SAXO1: variants seen among roughly 807,000 people sequenced by gnomAD.
SAXO1 encodes 4930500O09Rik.
In SAXO1, 21 loss-of-function variants were observed where a neutral mutation model predicts 17.5. The observed-to-expected ratio is 1.20, with a 90% CI of 0.85 to 1.72. The LOEUF is 1.72. Among genes scored for constraint, SAXO1 ranks in the 40% most tolerant of loss-of-function variants. The pLI is 0.00. For synonymous variants in SAXO1, 274 were observed against 216.5 expected (o/e 1.27, Z -2.33); for missense variants, 843 against 596.0 (o/e 1.41, Z -4.32).
At chr9:18,936,086 G>C (rs1831277547) in intron 3 of SAXO1, among the ~76,000 whole-genome samples, 1 of 152,092 alleles carries the variant, frequency 6.6e-6, no homozygotes, top group Non-Finnish European at 1.5e-5. Flanking sequence ...TCACTGTTTT[G>C]TCCAGTTTTG....
chr9:18,932,533 A>G (rs946986069), intron 3 of SAXO1, among the ~76,000 whole-genome samples: 2 of 152,226 alleles, frequency 1.3e-5, no homozygotes, highest in Non-Finnish European at 2.9e-5. Context: ...TTTCATATAT[A>G]AAACCTAAAA....
chr9:18,939,433 A>T (rs547651600), intron 3 of SAXO1, among the ~76,000 whole-genome samples: 2 of 152,244 alleles, frequency 1.3e-5, no homozygotes, highest in African/African-American at 2.4e-5. Context: ...CATTAAAGGA[A>T]GCATTAAAAG....
At chr9:18,960,169 G>T (rs1001392086) in intron 1 of SAXO1, among the ~76,000 whole-genome samples, 1 of 152,336 alleles carries the variant, frequency 6.6e-6, no homozygotes, top group South Asian at 2.1e-4. Flanking sequence ...AAAATATTTA[G>T]ATTAATTAGA....
At chr9:18,999,084 T>G (rs1458049409) in intron 1 of SAXO1, among the ~76,000 whole-genome samples, 7 of 152,214 alleles carry the variant, frequency 4.6e-5, no homozygotes, top group Non-Finnish European at 8.8e-5. Flanking sequence ...CATAATGACA[T>G]GATCAAATTC....
At chr9:19,010,131 C>T (rs1057025620) in intron 1 of SAXO1, among the ~76,000 whole-genome samples, 14 of 122,064 alleles carry the variant, frequency 1.1e-4, no homozygotes, top group Non-Finnish European at 6.7e-5. Flanking sequence ...GCCTGGCCTA[C>T]ATTTTTAATC....
At chr9:18,962,621 G>A (rs185537620) in intron 1 of SAXO1, among the ~76,000 whole-genome samples, 15 of 150,912 alleles carry the variant, frequency 9.9e-5, no homozygotes, top group South Asian at 2.1e-4. Flanking sequence ...GTGCAGAAGC[G>A]TCTGTTCATA....
At chr9:19,009,883 G>A (rs143383388) in intron 1 of SAXO1, among the ~76,000 whole-genome samples, 1 of 150,752 alleles carries the variant, frequency 6.6e-6, no homozygotes, top group South Asian at 2.1e-4. Flanking sequence ...CTAAAGTGCA[G>A]TGGCACCATC....
intron 1 of SAXO1, among the ~76,000 whole-genome samples, chr9:18,985,515 A>C (rs775344846): frequency 6.6e-6 from 1 of 152,134 alleles, no homozygotes; most frequent in Non-Finnish European, 1.5e-5. Context: ...ATAGAGGTAA[A>C]ATTCATTTTT....
At chr9:19,019,296 AG>A (rs1275685028) in intron 1 of SAXO1, among the ~76,000 whole-genome samples, 1 of 152,196 alleles carries the variant, frequency 6.6e-6, no homozygotes, top group African/African-American at 2.4e-5. Flanking sequence ...AAAAGAAAAA[AG>A]GCTCTTCTGT....
At chr9:19,040,911 A>T (rs1836063969) in intron 1 of SAXO1, among the ~76,000 whole-genome samples, 1 of 152,108 alleles carries the variant, frequency 6.6e-6, no homozygotes, top group Non-Finnish European at 1.5e-5. Flanking sequence ...TTATAGAATT[A>T]AAATTATACC....
rs111595898 is a variant in SAXO1 at position 19,014,789 on chromosome 9, C to A, written c.38+18082G>T. 7.9e-5 allele frequency among the ~76,000 whole-genome samples: 12 copies of A among 152,228 alleles called. 1 individual carries two copies. Among genetic ancestry groups the A allele is most frequent in the African/African-American group, 2.9e-4 (12 of 41,534 alleles). ...TCCTGGGGAACAACTGAATGTTGGA[C>A]AACATCCAACCATAGAGGCTCTACA... On this transcript the variant is annotated intron_variant, in intron 1 of 3. Transcript: ENST00000380534.
chr9:18,944,196 T>C (rs989415077), intron 2 of SAXO1, among the ~76,000 whole-genome samples: 6 of 148,106 alleles, frequency 4.1e-5, no homozygotes, highest in Admixed American at 2.7e-4. Context: ...AGGCAAATGA[T>C]TATGGGGGGT....
At position 18,973,923 on chromosome 9, in the gene SAXO1, T is replaced by C. The variant is rs923624598; in HGVS notation, c.39-22986A>G. 4.6e-5 allele frequency among the ~76,000 whole-genome samples: 7 copies of C among 152,178 alleles called. No individual in the cohort carries two copies. The East Asian group carries it at 9.6e-4, about 21-fold the overall frequency. On this transcript the variant is annotated intron_variant, in intron 1 of 3. Transcript: ENST00000380534. ...CTCTTGTTATATGTCATGTACTATG[T>C]TGGGTAATAATTAGAAAGAAAAATA...
At chr9:18,951,040 G>T in intron 1 of SAXO1, 103 bp from the exon 2 acceptor site, 1 of 1,173,146 alleles carries the variant, frequency 8.5e-7, no homozygotes, top group Non-Finnish European at 1.2e-6. Flanking sequence ...AAAATCATGT[G>T]ACTGCCAACA....
chr9:18,963,042 T>G (rs1832553575), intron 1 of SAXO1, among the ~76,000 whole-genome samples: 1 of 152,220 alleles, frequency 6.6e-6, no homozygotes, highest in South Asian at 2.1e-4. Context: ...CCAACACCAT[T>G]TATTAAATAG....
At chr9:19,013,540 ATTT>A (rs1219136885) in intron 1 of SAXO1, among the ~76,000 whole-genome samples, 26 of 93,190 alleles carry the variant, frequency 2.8e-4, no homozygotes, top group South Asian at 1.3e-3. Flanking sequence ...AAAAGTACGG[ATTT>A]TTTTTTTTTT....
At chr9:18,980,603 G>C (rs1833343178) in intron 1 of SAXO1, among the ~76,000 whole-genome samples, 1 of 151,278 alleles carries the variant, frequency 6.6e-6, no homozygotes, top group African/African-American at 2.4e-5. Flanking sequence ...ACCAGGCTGG[G>C]GCTAAAGAAA....
chr9:19,016,652 G>T (rs556025679), intron 1 of SAXO1, among the ~76,000 whole-genome samples: 1 of 152,042 alleles, frequency 6.6e-6, no homozygotes, highest in Non-Finnish European at 1.5e-5. Flanking sequence ...CACAGGACAG[G>T]CCCCACAACA....
intron 1 of SAXO1, among the ~76,000 whole-genome samples, chr9:18,979,515 G>C (rs1588472267): frequency 6.6e-6 from 1 of 152,354 alleles, no homozygotes; most frequent in East Asian, 1.9e-4. Context: ...GGGGCACGTG[G>C]TGGGACAGTC....
Sources: gnomAD v4.1 joint callset for allele counts (sites outside exome capture counted in the v4.1 genomes callset) on GRCh38, gnomAD v4.1.1 for gene constraint, MANE v1.5 for transcripts, NCBI Gene and HGNC (gene_info 2026-07-23, HGNC 2026-07-21) for gene names.